The following PTPN21 variants were observed in gnomAD, a reference collection of about 807,000 sequenced individuals.
PTPN21 encodes the protein tyrosine-protein phosphatase non-receptor type 21.
A neutral mutation model predicts 131.8 loss-of-function variants in PTPN21; 77 were observed. The ratio of observed to expected loss-of-function variants is 0.58; its 90% CI spans 0.49 to 0.71. PTPN21 has a LOEUF of 0.71. Among genes scored for constraint, PTPN21 ranks in the 30% least tolerant of loss-of-function variants. The pLI, the probability that PTPN21 is intolerant of heterozygous loss-of-function variation, is 0.00. For synonymous variants in PTPN21, 715 were observed against 621.3 expected (o/e 1.15, Z -2.24); for missense variants, 1,552 against 1,527.1 (o/e 1.02, Z -0.27).
intron 3 of PTPN21, 116 bp from the exon 4 acceptor site, chr14:88,508,136 A>C (rs1595380888): frequency 2.2e-4 from 109 of 489,304 alleles, no homozygotes; most frequent in Non-Finnish European, 2.7e-4. Context: ...CCTTAATCCC[A>C]CATGGTTGTG....
chr14:88,549,371 C>A (rs2139368023), intron 2 of PTPN21, among the ~76,000 whole-genome samples: 2 of 152,296 alleles, frequency 1.3e-5, no homozygotes, highest in African/African-American at 4.8e-5. Context: ...AGTGTATTCA[C>A]ATTTGATTCT....
At chr14:88,536,506 C>T (rs2078633607) in intron 2 of PTPN21, among the ~76,000 whole-genome samples, 1 of 152,126 alleles carries the variant, frequency 6.6e-6, no homozygotes, top group Admixed American at 6.5e-5. Flanking sequence ...AGAGAGTTTA[C>T]AAATTTGAGA....
chr14:88,501,225 T>A, intron 7 of PTPN21, 56 bp downstream of exon 7: 1 of 1,429,586 alleles, frequency 7.0e-7, no homozygotes, highest in Non-Finnish European at 9.9e-7. Flanking sequence ...TCCCCATGAT[T>A]TTCTCAAATT....
At chr14:88,492,626 T>C (rs2077842299) in intron 10 of PTPN21, among the ~76,000 whole-genome samples, 1 of 152,180 alleles carries the variant, frequency 6.6e-6, no homozygotes, top group Non-Finnish European at 1.5e-5. Context: ...ATCTTTACAC[T>C]GCTGCTCCTG....
At chr14:88,535,433 T>G (rs1314449496) in intron 2 of PTPN21, among the ~76,000 whole-genome samples, 1 of 152,216 alleles carries the variant, frequency 6.6e-6, no homozygotes, top group African/African-American at 2.4e-5. Flanking sequence ...GGCAAAAGGC[T>G]CGGCCTTTGA....
intron 2 of PTPN21, among the ~76,000 whole-genome samples, chr14:88,548,600 G>A (rs1212366156): frequency 2.6e-5 from 4 of 152,160 alleles, no homozygotes; most frequent in East Asian, 3.9e-4. Flanking sequence ...GAGCTTCCAA[G>A]TATGTATGTG....
At chr14:88,505,661 A>T (rs188004384) in intron 4 of PTPN21, among the ~76,000 whole-genome samples, 1 of 152,248 alleles carries the variant, frequency 6.6e-6, no homozygotes, top group Non-Finnish European at 1.5e-5. Context: ...CCTACCCTGT[A>T]ATCATATATG....
At chr14:88,491,779 T>C (rs138132877) in intron 10 of PTPN21, among the ~76,000 whole-genome samples, 14 of 152,286 alleles carry the variant, frequency 9.2e-5, no homozygotes, top group Non-Finnish European at 1.9e-4. Flanking sequence ...ATTGGATATA[T>C]AGAGATTGAA....
chr14:88,550,339 T>C lies in PTPN21; in HGVS notation c.79A>G (p.Ile27Val). The C allele has an allele frequency of 1.2e-6, 2 of 1,614,206 alleles. No individual in the cohort carries two copies. Among genetic ancestry groups the C allele is most frequent in the Non-Finnish European group, 8.5e-7 (1 of 1,180,032 alleles). Residue 27 changes from isoleucine (I) to valine (V), a missense_variant, in exon 2 of 19, where the codon ATC becomes GTC. Ile to Val is a conservative substitution (Grantham distance 29, BLOSUM62 3). Around this residue, in one of 4 missense-constraint regions of PTPN21, gnomAD observed 206 missense variants for 221.6 expected, o/e 0.93. Coordinates refer to ENST00000556564, the MANE Select transcript of PTPN21 (RefSeq NM_007039.4). ...ACAAACTCGTTATTAAGCAGTTGGA[T>C]CCGGGCAACCAGGCAACTCTTGCTG... ...VSSKSCLVAR[I>V]QLLNNEFVEF...
At chr14:88,482,268 G>A (rs1024240203) in intron 12 of PTPN21, among the ~76,000 whole-genome samples, 1 of 152,178 alleles carries the variant, frequency 6.6e-6, no homozygotes, top group African/African-American at 2.4e-5. Context: ...AACTTGGGAA[G>A]TAAGGTTGGA....
intron 15 of PTPN21, 59 bp from the exon 16 acceptor site, chr14:88,470,109 T>TG: frequency 6.5e-7 from 1 of 1,548,606 alleles, no homozygotes. Context: ...TAGGTATGTA[T>TG]GCATGCATTC....
At chr14:88,508,446 C>T (rs1454799413) in intron 3 of PTPN21, among the ~76,000 whole-genome samples, 1 of 152,102 alleles carries the variant, frequency 6.6e-6, no homozygotes, top group East Asian at 1.9e-4. Flanking sequence ...CCACACAGAG[C>T]CCCTAGACAG....
intron 2 of PTPN21, among the ~76,000 whole-genome samples, chr14:88,541,494 T>C (rs960756562): frequency 2.0e-5 from 3 of 152,216 alleles, no homozygotes; most frequent in African/African-American, 7.2e-5. Context: ...GGAACTTGAT[T>C]AATGTATAAA....
chr14:88,492,888 C>T, intron 10 of PTPN21: 2 of 338,224 alleles, frequency 5.9e-6, no homozygotes, highest in South Asian at 4.6e-5. Context: ...AGACAGGGGA[C>T]ACGAAGATGA....
chr14:88,478,596 A>G (rs73314123), intron 13 of PTPN21, among the ~76,000 whole-genome samples: 5 of 152,066 alleles, frequency 3.3e-5, no homozygotes, highest in African/African-American at 1.2e-4. Context: ...TGGCTAAAGT[A>G]ATGAAATCTT....
At chr14:88,510,861 G>A (rs1444218745) in intron 3 of PTPN21, among the ~76,000 whole-genome samples, 2 of 151,852 alleles carry the variant, frequency 1.3e-5, no homozygotes. Context: ...ATACTTTAAT[G>A]GAAGCAACTA....
chr14:88,522,444 G>GA (rs1381465218), intron 2 of PTPN21, among the ~76,000 whole-genome samples: 3 of 138,310 alleles, frequency 2.2e-5, no homozygotes, highest in Admixed American at 7.6e-5. Context: ...AAAAAAAAAA[G>GA]AAAAAAAGAA....
chr14:88,523,011 T>A (rs2078419872), intron 2 of PTPN21, among the ~76,000 whole-genome samples: 1 of 150,896 alleles, frequency 6.6e-6, no homozygotes, highest in Non-Finnish European at 1.5e-5. Context: ...CTTTCCAAAA[T>A]AATTTAAAAT....
intron 2 of PTPN21, among the ~76,000 whole-genome samples, chr14:88,521,605 G>C (rs1420434023): frequency 6.7e-6 from 1 of 149,968 alleles, no homozygotes; most frequent in Non-Finnish European, 1.5e-5. Flanking sequence ...TAGAAACGGG[G>C]TTTCACCATG....
Sources: gnomAD v4.1 joint callset for allele counts (sites outside exome capture counted in the v4.1 genomes callset) on GRCh38, gnomAD v4.1.1 for gene constraint, gnomAD v4.1.1 regional missense constraint, MANE v1.5 for transcripts, NCBI Gene and HGNC (gene_info 2026-07-23, HGNC 2026-07-21) for gene names.